TAF8: variants seen among roughly 807,000 people sequenced by gnomAD.
TAF8 encodes the protein transcription initiation factor TFIID subunit 8.
Under a neutral mutation model 36.5 loss-of-function variants are expected in TAF8, and 47 were observed. The observed-to-expected ratio is 1.29, with a 90% CI of 1.02 to 1.64. TAF8 has a LOEUF of 1.64. Among genes scored for constraint, TAF8 ranks in the 40% most tolerant of loss-of-function variants. The pLI, the probability that TAF8 is intolerant of heterozygous loss-of-function variation, is 0.00. For missense variants in TAF8, 420 were observed against 407.6 expected, an observed-to-expected ratio of 1.03 and a Z score of -0.26; for synonymous variants, 175 against 159.5, an observed-to-expected ratio of 1.10 and a Z score of -0.73.
At chr6:42,051,240 G>A (rs1167377663) in intron 1 of TAF8, 117 bp from the exon 2 acceptor site, 3 of 1,334,446 alleles carry the variant, frequency 2.2e-6, no homozygotes, top group Non-Finnish European at 3.0e-6. Flanking sequence ...TAAACATTAA[G>A]CACTGATTTT....
chr6:42,057,737 G>A (rs760360432), intron 5 of TAF8: 7 of 469,332 alleles, frequency 1.5e-5, no homozygotes, highest in African/African-American at 4.1e-5. Context: ...CTGGGCAGCA[G>A]AGCAAGACCC....
At position 42,077,755 on chromosome 6, in the gene TAF8, G is replaced by GA. The variant is rs200192832; in HGVS notation, c.*212dup. 3.7e-5 allele frequency: 53 copies of GA among 1,415,938 alleles called. No homozygotes were observed. The African/African-American group carries it at 7.6e-4, about 20-fold the overall frequency. The allele number at this position is 1,415,938 out of a possible 1,614,324, so 87.7% of individuals were successfully genotyped here. A position where few individuals can be genotyped will look rare whatever the true frequency, so the allele number is the denominator to read the frequency against. On this transcript the variant is annotated 3_prime_UTR_variant, in exon 9 of 9. Transcript: ENST00000372977. ...GAGGAAGATATGAACAGAATAATGA[G>GA]AATTTTTTTTTTTATTTTGAGATGG...
At chr6:42,074,345 G>A (rs896823983) in intron 7 of TAF8, among the ~76,000 whole-genome samples, 22 of 152,158 alleles carry the variant, frequency 1.4e-4, no homozygotes, top group Middle Eastern at 3.2e-3. Flanking sequence ...CCTGGAAGTC[G>A]GGAGAGGTTA....
At chr6:42,058,877 G>A (rs1765096978) in intron 5 of TAF8, among the ~76,000 whole-genome samples, 1 of 152,094 alleles carries the variant, frequency 6.6e-6, no homozygotes. Context: ...GCATTCTTTG[G>A]CATTTCTTGG....
At chr6:42,057,362 G>C (rs754850984) in intron 4 of TAF8, 27 bp from the exon 5 acceptor site, 1 of 1,613,824 alleles carries the variant, frequency 6.2e-7, no homozygotes, top group East Asian at 2.2e-5. Flanking sequence ...TTGGGTGGAG[G>C]GGTAATCAGT....
Position 42,051,445 on chromosome 6 carries a change from T to C in TAF8, c.134T>C (p.Leu45Pro). The part of the protein sequence containing the change: ...RTLQVVVSSL[L>P]TEAGFESAEK... ...CTGCAGGTGGTTGTGAGCTCCTTGCTGACAGAGGCAGGGTTTGAGAGTGCC... is the reference window on the plus strand; with the variant it reads ...CTGCAGGTGGTTGTGAGCTCCTTGCCGACAGAGGCAGGGTTTGAGAGTGCC... The change falls in exon 2 of 9, where the codon CTG becomes CCG. Residue 45 changes from leucine to proline, a missense_variant. Leu to Pro is a moderately conservative substitution (Grantham distance 98). Coordinates refer to ENST00000372977, the MANE Select transcript of TAF8 (RefSeq NM_138572.3). The C allele has an allele frequency of 6.2e-7, 1 of 1,614,158 alleles. No homozygotes were observed. Among genetic ancestry groups the C allele is most frequent in the Non-Finnish European group, 8.5e-7 (1 of 1,180,016 alleles).
chr6:42,086,326 C>A (rs984123253), downstream of TAF8, among the ~76,000 whole-genome samples: 3 of 152,134 alleles, frequency 2.0e-5, no homozygotes, highest in African/African-American at 4.8e-5. Flanking sequence ...TTTGGAATAG[C>A]CTTCGCTTGA....
In TAF8 at chr6:42,050,600, G is replaced by T; in HGVS notation, c.45+14G>T. On this transcript the variant is annotated intron_variant, in intron 1 of 8. Transcript: ENST00000372977. ...GGCTCCGGAACGGTAAGGGCAGGAA[G>T]CGCGGGCTCGGAGCCGAGAGAGTTT... The T allele has an allele frequency of 1.9e-6, 3 of 1,547,282 alleles. No homozygotes were observed. The highest frequency in any genetic ancestry group is 1.7e-6 in the Non-Finnish European group (2 of 1,146,792).
At chr6:42,071,368 C>T (rs1765565359) in intron 7 of TAF8, 1 of 184,614 alleles carries the variant, frequency 5.4e-6, no homozygotes, top group Non-Finnish European at 1.1e-5. Context: ...CTCCGTCACC[C>T]AGGCTGGAGT....
chr6:42,055,805 C>T, intron 3 of TAF8, 147 bp from the exon 4 acceptor site: 1 of 725,208 alleles, frequency 1.4e-6, no homozygotes, highest in Non-Finnish European at 2.4e-6. Context: ...TCATAATTCC[C>T]TGTTAGGGAA....
chr6:42,076,610 A>C (rs1473322665), intron 7 of TAF8, among the ~76,000 whole-genome samples: 1 of 152,202 alleles, frequency 6.6e-6, no homozygotes, highest in Non-Finnish European at 1.5e-5. Context: ...ACCATGTTGC[A>C]AGTACCAGAA....
Position 42,057,462 on chromosome 6 carries a change from C to A in TAF8, c.438C>A (p.Ile146=), listed in dbSNP as rs1765037927. The A allele has an allele frequency of 6.2e-7, 1 of 1,614,016 alleles. No individual in the cohort carries two copies. The highest frequency in any genetic ancestry group is 1.3e-5 in the African/African-American group (1 of 74,912). Residue 146 remains isoleucine (I), a synonymous_variant, in exon 5 of 9, where the codon ATC becomes ATA. Coordinates refer to ENST00000372977, the MANE Select transcript of TAF8 (RefSeq NM_138572.3). ...AGQNRPHPPH[I]PSHFPEFPDP... ...AGAACCGACCCCACCCGCCGCACAT[C>A]CCCAGCCATTTTCCTGAGTTCCCTG...
At chr6:42,059,054 G>A (rs560186964) in intron 5 of TAF8, among the ~76,000 whole-genome samples, 82 of 152,248 alleles carry the variant, frequency 5.4e-4, no homozygotes, top group African/African-American at 1.9e-3. Context: ...GGGGAAGCCA[G>A]TGAGCCAGGA....
chr6:42,065,182 C>T (rs900096249), intron 5 of TAF8, among the ~76,000 whole-genome samples: 4 of 151,496 alleles, frequency 2.6e-5, no homozygotes, highest in Non-Finnish European at 5.9e-5. Context: ...CCCATCTCTA[C>T]TAAAAATACA....
At chr6:42,083,744 C>T (rs1765982539), downstream of TAF8, among the ~76,000 whole-genome samples, 1 of 152,104 alleles carries the variant, frequency 6.6e-6, no homozygotes, top group Admixed American at 6.6e-5. Flanking sequence ...TGGGCTGGGA[C>T]TTCAGGAAGA....
chr6:42,077,038 A>G (rs1765770137), intron 7 of TAF8, 62 bp from the exon 8 acceptor site: 1 of 1,537,170 alleles, frequency 6.5e-7, no homozygotes. Context: ...CATTCCAATT[A>G]TAGGCATGAT....
intron 5 of TAF8, 182 bp downstream of exon 5, chr6:42,057,695 G>A: frequency 1.3e-6 from 1 of 745,600 alleles, no homozygotes; most frequent in Non-Finnish European, 2.1e-6. Flanking sequence ...CGAGGCAGGA[G>A]GATCACTTGA....
chr6:42,052,627 G>A (rs1764835988), intron 2 of TAF8, among the ~76,000 whole-genome samples: 1 of 152,004 alleles, frequency 6.6e-6, no homozygotes, highest in South Asian at 2.1e-4. Flanking sequence ...CAGCTGAAAA[G>A]CTACTTTTAA....
chr6:42,079,240 G>T lies in TAF8; in HGVS notation c.*1695G>T. The T allele has an allele frequency of 1.0e-6, 1 of 985,644 alleles. No homozygotes were observed. The highest frequency in any genetic ancestry group is 1.2e-6 in the Non-Finnish European group (1 of 830,012). The allele number at this position is 985,644 out of a possible 1,614,324, so 61.1% of individuals were successfully genotyped here. On this transcript the variant is annotated 3_prime_UTR_variant, in exon 9 of 9. Coordinates refer to ENST00000372977, the MANE Select transcript of TAF8 (RefSeq NM_138572.3). ...AAGCTGAGAAACGGCTGGTCAGCTG[G>T]AAGGCTGGTGGATGGGCAGGAGTGA...
Sources: gnomAD v4.1 joint callset for allele counts (sites outside exome capture counted in the v4.1 genomes callset) on GRCh38, gnomAD v4.1.1 for gene constraint, MANE v1.5 for transcripts, NCBI Gene and HGNC (gene_info 2026-07-23, HGNC 2026-07-21) for gene names.